TENM2: variants seen among roughly 807,000 people sequenced by gnomAD.
The protein encoded by TENM2 is teneurin-2.
Under a neutral mutation model 245.2 loss-of-function variants are expected in TENM2, and 52 were observed. The observed-to-expected ratio is 0.21, with a 90% confidence interval of 0.17 to 0.27. The LOEUF (loss-of-function observed/expected upper bound fraction) is 0.27. Ranked by LOEUF, TENM2 falls within the 10% of genes least tolerant of loss-of-function variation. The pLI is 1.00. For synonymous variants in TENM2, 1,363 were observed against 1,438.9 expected (o/e 0.95, Z 1.19); for missense variants, 3,046 against 3,666.8 (o/e 0.83, Z 4.37).
chr5:167,607,399 A>G (rs1390716391), intron 2 of TENM2, among the ~76,000 whole-genome samples: 3 of 152,192 alleles, frequency 2.0e-5, no homozygotes. Flanking sequence ...AAGTGTTAGT[A>G]GCTAATATAA....
In TENM2 at chr5:167,353,568, C is replaced by T. The variant is rs528084277; in HGVS notation, c.227-21630C>T. Among the ~76,000 whole-genome samples, 18 of 114,394 alleles carry T rather than the reference C, an allele frequency of 1.6e-4. No homozygotes were observed. In the South Asian group the frequency reaches 1.9e-3, roughly 12 times the overall value. 75.0% of individuals were successfully genotyped at this position (114,394 alleles called of 152,430 possible). A position where few individuals can be genotyped will look rare whatever the true frequency, so the allele number is the denominator to read the frequency against. On this transcript the variant is annotated intron_variant, in intron 1 of 28. Transcript: ENST00000518659. ...TGTCGCCCAGGCTGGAGTGCAGTGG[C>T]GGGATCTCGGCTCACTGCAAGCTCC...
chr5:167,914,720 G>T (rs1776800067), intron 3 of TENM2, among the ~76,000 whole-genome samples: 1 of 152,138 alleles, frequency 6.6e-6, no homozygotes, highest in African/African-American at 2.4e-5. Flanking sequence ...GCCTCTCAGG[G>T]AGGATCTTTC....
intron 23 of TENM2, among the ~76,000 whole-genome samples, chr5:168,223,950 A>T (rs956855735): frequency 9.2e-5 from 14 of 151,784 alleles, no homozygotes; most frequent in Admixed American, 6.6e-5. Context: ...TCAAGGGAGT[A>T]TATTTTGTAC....
At chr5:167,923,067 T>TGGCC (rs1777491556) in intron 3 of TENM2, among the ~76,000 whole-genome samples, 2 of 152,222 alleles carry the variant, frequency 1.3e-5, no homozygotes, top group East Asian at 3.9e-4. Flanking sequence ...CTCATGTCTG[T>TGGCC]AATCCCAGCA....
intron 1 of TENM2, among the ~76,000 whole-genome samples, chr5:167,319,668 G>C (rs1376770500): frequency 2.0e-5 from 3 of 152,246 alleles, no homozygotes; most frequent in Non-Finnish European, 2.9e-5. Context: ...GCTGCATCAG[G>C]GTGCTAGGTT....
chr5:167,825,932 A>T (rs1384152333), intron 2 of TENM2, among the ~76,000 whole-genome samples: 6 of 151,586 alleles, frequency 4.0e-5, no homozygotes, highest in Non-Finnish European at 8.8e-5. Context: ...CCATTCCCAC[A>T]TTCTGGGTGT....
At chr5:167,568,787 A>T (rs940288351) in intron 2 of TENM2, among the ~76,000 whole-genome samples, 1 of 152,052 alleles carries the variant, frequency 6.6e-6, no homozygotes, top group Non-Finnish European at 1.5e-5. Context: ...GGTTGATGGA[A>T]TTTTTTATGT....
In TENM2 at chr5:167,974,811, C is replaced by T. The variant is rs141466595; in HGVS notation, c.948-18133C>T. ...ATCAGCAGGGCTGTCCCAACCTGACCGACTGTGACCCTGAACTTCCCTCTT... is the reference window on the plus strand; with the variant it reads ...ATCAGCAGGGCTGTCCCAACCTGACTGACTGTGACCCTGAACTTCCCTCTT... On this transcript the variant is annotated intron_variant, in intron 4 of 28. Coordinates refer to ENST00000518659, the Ensembl canonical transcript of TENM2. Among the ~76,000 whole-genome samples, 7 of 152,314 alleles carry T rather than the reference C, an allele frequency of 4.6e-5. No homozygotes were observed. The East Asian group carries it at 1.4e-3, about 29-fold the overall frequency.
At chr5:167,203,341 G>A in the TENM2 span, among the ~76,000 whole-genome samples, 4 of 152,126 alleles carry the variant, frequency 2.6e-5, no homozygotes, top group Admixed American at 6.5e-5. Context: ...TAGAGGTCCT[G>A]CTGGTCAAAA....
chr5:167,646,044 C>T (rs546413475), intron 2 of TENM2, among the ~76,000 whole-genome samples: 1 of 151,192 alleles, frequency 6.6e-6, no homozygotes, highest in African/African-American at 2.4e-5. Flanking sequence ...ATATTACCCA[C>T]CTAGCTCCAG....
the TENM2 span, among the ~76,000 whole-genome samples, chr5:167,034,708 C>T: frequency 2.7e-5 from 4 of 150,128 alleles, no homozygotes; most frequent in Admixed American, 6.6e-5. Context: ...TTATTATTTT[C>T]CTCCAATTGG....
At chr5:167,147,714 A>C in the TENM2 span, among the ~76,000 whole-genome samples, 676 of 152,268 alleles carry the variant, frequency 4.4e-3, 7 homozygotes, top group African/African-American at 0.014. Flanking sequence ...CTAGGTGCTA[A>C]ATGTACATCA....
At chr5:167,277,906 C>A in the TENM2 span, among the ~76,000 whole-genome samples, 2 of 151,948 alleles carry the variant, frequency 1.3e-5, no homozygotes, top group Admixed American at 6.6e-5. Context: ...TCACTTTATC[C>A]AATATTAGTA....
chr5:167,105,359 G>T, the TENM2 span, among the ~76,000 whole-genome samples: 1 of 152,092 alleles, frequency 6.6e-6, no homozygotes, highest in Non-Finnish European at 1.5e-5. Context: ...CACCTAATTA[G>T]GTTCTTTTTT....
chr5:168,250,145 TG>T (rs1766982510), intron 27 of TENM2, among the ~76,000 whole-genome samples: 1 of 150,626 alleles, frequency 6.6e-6, no homozygotes, highest in Non-Finnish European at 1.5e-5. Flanking sequence ...GATGGATGGA[TG>T]GATGGATGGA....
chr5:167,312,122 C>A (rs1756067776), intron 1 of TENM2, among the ~76,000 whole-genome samples: 1 of 152,094 alleles, frequency 6.6e-6, no homozygotes, highest in Non-Finnish European at 1.5e-5. Context: ...TATACATACA[C>A]ATATGTGCAT....
At chr5:168,046,638 C>T in intron 5 of TENM2, among the ~76,000 whole-genome samples, 1 of 152,254 alleles carries the variant, frequency 6.6e-6, no homozygotes, top group South Asian at 2.1e-4. Context: ...GGAGTCAAGA[C>T]TTCTTCAGAC....
At chr5:167,414,463 G>C (rs1561935885) in intron 2 of TENM2, among the ~76,000 whole-genome samples, 1 of 152,074 alleles carries the variant, frequency 6.6e-6, no homozygotes, top group Non-Finnish European at 1.5e-5. Flanking sequence ...ATAGCAAAAT[G>C]GATAAAATTG....
At chr5:168,184,366 T>G (rs1044191510) in intron 13 of TENM2, among the ~76,000 whole-genome samples, 3 of 152,178 alleles carry the variant, frequency 2.0e-5, no homozygotes, top group Admixed American at 2.0e-4. Context: ...CCACAGCACC[T>G]GCAGTGATTT....
Sources: allele counts gnomAD v4.1 joint callset (sites outside exome capture counted in the v4.1 genomes callset), GRCh38; gene constraint gnomAD v4.1.1; transcripts MANE v1.5; gene names NCBI Gene and HGNC (gene_info 2026-07-23, HGNC 2026-07-21).